Variants in AK5 observed in about 807,000 individuals in gnomAD.
The protein encoded by AK5 is adenylate kinase isoenzyme 5.
A neutral mutation model predicts 69.5 loss-of-function variants in AK5; 27 were observed. That is an observed-to-expected ratio of 0.39 (90% CI 0.29 to 0.54). The LOEUF is 0.54. Ranked by LOEUF, AK5 falls within the 20% of genes least tolerant of loss-of-function variation. The pLI, the probability that AK5 is intolerant of heterozygous loss-of-function variation, is 0.71. For synonymous variants in AK5, 260 were observed against 244.4 expected (o/e 1.06, Z -0.60); for missense variants, 531 against 700.4 (o/e 0.76, Z 2.73).
At chr1:77,376,449 A>G (rs1166455576) in intron 6 of AK5, among the ~76,000 whole-genome samples, 2 of 19,356 alleles carry the variant, frequency 1.0e-4, no homozygotes, top group Non-Finnish European at 2.5e-4. Context: ...AAAAAAAAAA[A>G]ACAAAAAAAA....
chr1:77,327,602 A>G (rs1660871858), intron 5 of AK5, among the ~76,000 whole-genome samples: 1 of 152,174 alleles, frequency 6.6e-6, no homozygotes, highest in Non-Finnish European at 1.5e-5. Context: ...AGGAATCCAT[A>G]AACTGATCAC....
chr1:77,500,609 C>G (rs749426758), intron 10 of AK5, among the ~76,000 whole-genome samples: 1 of 152,066 alleles, frequency 6.6e-6, no homozygotes, highest in Admixed American at 6.5e-5. Context: ...ATGGTGAAAC[C>G]CCGTCTCTAC....
rs1654443604 is a variant in AK5 at position 77,470,856 on chromosome 1, TATATATA to T, written c.1060-12460_1060-12454del. On this transcript the variant is annotated intron_variant, in intron 8 of 13. Coordinates refer to ENST00000354567, the MANE Select transcript of AK5 (RefSeq NM_174858.3). ...ATATATATATATATATATATATATA[TATATATA>T]TATATATATATATTTTTTTTTTTTT... 3.9e-4 allele frequency among the ~76,000 whole-genome samples: 8 copies of T among 20,404 alleles called. 1 individual carries two copies. The highest frequency in any genetic ancestry group is 1.4e-3 in the African/African-American group (6 of 4,296). 13.4% of individuals were successfully genotyped at this position (20,404 alleles called of 152,430 possible).
chr1:77,344,119 C>T (rs1661794700), intron 6 of AK5, among the ~76,000 whole-genome samples: 1 of 152,146 alleles, frequency 6.6e-6, no homozygotes, highest in Non-Finnish European at 1.5e-5. Context: ...TATCTGTTGG[C>T]ATATTTGACT....
Position 77,296,715 on chromosome 1 carries a change from AT to A in AK5, c.416-843del, listed in dbSNP as rs1659026313. On this transcript the variant is annotated intron_variant, in intron 3 of 13. Coordinates refer to ENST00000354567, the MANE Select transcript of AK5 (RefSeq NM_174858.3). ...TCAAGCCAATTCATGATTTGCCCATATATTAGTAGGTTAAAGCAGCTATTTA... is the reference window on the plus strand; with the variant it reads ...TCAAGCCAATTCATGATTTGCCCATAATTAGTAGGTTAAAGCAGCTATTTA... Among the ~76,000 whole-genome samples, 3 of 152,214 alleles carry A rather than the reference AT, an allele frequency of 2.0e-5. No individual in the cohort carries two copies. The South Asian group carries it at 6.2e-4, about 31-fold the overall frequency.
intron 3 of AK5, among the ~76,000 whole-genome samples, chr1:77,295,153 G>A (rs1156564065): frequency 6.6e-6 from 1 of 152,172 alleles, no homozygotes; most frequent in Non-Finnish European, 1.5e-5. Flanking sequence ...TCACAGAGAT[G>A]ACCAAAAGCA....
chr1:77,391,742 T>G (rs1250311575), intron 6 of AK5, among the ~76,000 whole-genome samples: 1 of 152,020 alleles, frequency 6.6e-6, no homozygotes. Context: ...TGTTATTATC[T>G]TGATTTTATG....
chr1:77,389,438 C>T (rs1462700535), intron 6 of AK5, among the ~76,000 whole-genome samples: 1 of 151,992 alleles, frequency 6.6e-6, no homozygotes, highest in African/African-American at 2.4e-5. Context: ...CTGAGGCTGC[C>T]TGAAACAGGA....
In AK5 at chr1:77,558,772, C is replaced by A; in HGVS notation, c.*102C>A. 1.3e-6 allele frequency: 1 copy of A among 766,828 alleles called. No individual in the cohort carries two copies. The highest frequency in any genetic ancestry group is 2.3e-6 in the Non-Finnish European group (1 of 440,190). 47.5% of individuals were successfully genotyped at this position (766,828 alleles called of 1,614,324 possible). ...TAAACCTTTTGTGTCACCGCCCCCA[C>A]CAACCACCACCTCCTAAATCCTGAC... On this transcript the variant is annotated 3_prime_UTR_variant, in exon 14 of 14. Coordinates refer to ENST00000354567, the MANE Select transcript of AK5 (RefSeq NM_174858.3).
intron 6 of AK5, among the ~76,000 whole-genome samples, chr1:77,369,920 C>T (rs190988486): frequency 7.2e-5 from 11 of 152,092 alleles, no homozygotes; most frequent in East Asian, 1.9e-4. Flanking sequence ...ACTTTAATGC[C>T]GCTGCCAATA....
At chr1:77,401,113 C>T (rs922404046) in intron 6 of AK5, among the ~76,000 whole-genome samples, 1 of 152,064 alleles carries the variant, frequency 6.6e-6, no homozygotes, top group Non-Finnish European at 1.5e-5. Flanking sequence ...AATTATGAGG[C>T]TTTAGAAATA....
At chr1:77,527,353 A>G (rs866628183) in intron 12 of AK5, among the ~76,000 whole-genome samples, 2 of 152,204 alleles carry the variant, frequency 1.3e-5, no homozygotes, top group Non-Finnish European at 2.9e-5. Context: ...TGGCGTAAGT[A>G]TGAATTCAAA....
chr1:77,488,135 A>G (rs1456660449), intron 10 of AK5, among the ~76,000 whole-genome samples: 1 of 152,188 alleles, frequency 6.6e-6, no homozygotes, highest in Non-Finnish European at 1.5e-5. Flanking sequence ...AGTATGTGTC[A>G]AGCAGTGGGA....
intron 6 of AK5, among the ~76,000 whole-genome samples, chr1:77,404,014 A>G (rs1461594698): frequency 3.3e-5 from 5 of 152,116 alleles, no homozygotes; most frequent in African/African-American, 4.8e-5. Context: ...GGTCCTTCAC[A>G]TCCCTCGTAA....
chr1:77,470,850 TATATATATATATA>T (rs1557615601), intron 8 of AK5, among the ~76,000 whole-genome samples: 171 of 14,834 alleles, frequency 0.012, 15 homozygotes, highest in African/African-American at 0.013. Context: ...TATATATATA[TATATATATATATA>T]TATATATATA....
intron 1 of AK5, among the ~76,000 whole-genome samples, chr1:77,286,615 G>A (rs1658365800): frequency 6.6e-6 from 1 of 152,024 alleles, no homozygotes; most frequent in South Asian, 2.1e-4. Flanking sequence ...GGAAGGCGGA[G>A]GTAGGTGGAT....
chr1:77,559,353 A>T lies in AK5; in HGVS notation c.*683A>T, dbSNP rs1018005267. The T allele has an allele frequency of 5.9e-5, 9 of 152,312 alleles. No individual in the cohort carries two copies. Among genetic ancestry groups the T allele is most frequent in the African/African-American group, 2.2e-4 (9 of 41,564 alleles). The allele number at this position is 152,312 out of a possible 1,614,324, so 9.4% of individuals were successfully genotyped here. A position where few individuals can be genotyped will look rare whatever the true frequency, so the allele number is the denominator to read the frequency against. On this transcript the variant is annotated 3_prime_UTR_variant, in exon 14 of 14. Transcript: ENST00000354567. ...TTATTATTATTTTTTAGAAACTTGG[A>T]ATACTGTCGTCATGGCTAAGAGAAC... is the stretch of plus-strand genomic sequence containing the variant.
chr1:77,470,846 TATATATATATATATATATA>T (rs1403026965), intron 8 of AK5, among the ~76,000 whole-genome samples: 1,013 of 27,158 alleles, frequency 0.037, 128 homozygotes, highest in African/African-American at 0.06. Flanking sequence ...TATATATATA[TATATATATATATATATATA>T]TATATATATA....
intron 6 of AK5, among the ~76,000 whole-genome samples, chr1:77,367,557 T>TACA: frequency 1.7e-5 from 1 of 59,404 alleles, no homozygotes; most frequent in African/African-American, 8.8e-5. Context: ...TATGTTATTT[T>TACA]TATATATATA....
Sources: allele counts gnomAD v4.1 joint callset (sites outside exome capture counted in the v4.1 genomes callset), GRCh38; gene constraint gnomAD v4.1.1; transcripts MANE v1.5; gene names NCBI Gene and HGNC (gene_info 2026-07-23, HGNC 2026-07-21).